Variants in TMPRSS15 observed in about 807,000 individuals in gnomAD.
TMPRSS15 encodes the protein transmembrane serine protease 15, also known as enteropeptidase.
TMPRSS15 carries 128 observed loss-of-function variants against 125.3 expected under a neutral mutation model. That is an observed-to-expected ratio of 1.02 (90% confidence interval 0.89 to 1.18). The LOEUF is 1.18. Among genes scored for constraint, TMPRSS15 ranks in the 50% most tolerant of loss-of-function variants. The probability of loss-of-function intolerance (pLI) is 0.00; values close to 1 mark genes in which losing one functional copy is unlikely to be tolerated. For missense variants in TMPRSS15, 1,283 were observed against 1,212.7 expected (o/e 1.06, Z -0.86); for synonymous variants, 446 against 423.2 (o/e 1.05, Z -0.66).
chr21:18,444,679 A>G (rs1056562335), intron 1 of TMPRSS15, among the ~76,000 whole-genome samples: 1 of 152,188 alleles, frequency 6.6e-6, no homozygotes, highest in Non-Finnish European at 1.5e-5. Context: ...CACCTCAAAC[A>G]TGTGTCATTT....
At chr21:18,299,776 G>A (rs1266471441) in intron 18 of TMPRSS15, among the ~76,000 whole-genome samples, 2 of 152,128 alleles carry the variant, frequency 1.3e-5, no homozygotes, top group Admixed American at 1.3e-4. Context: ...AGCCTCAGGA[G>A]AGAACATAGG....
At chr21:18,385,072 C>A (rs927571959) in intron 3 of TMPRSS15, among the ~76,000 whole-genome samples, 3 of 151,998 alleles carry the variant, frequency 2.0e-5, no homozygotes, top group Admixed American at 6.5e-5. Context: ...TTAAAATGAA[C>A]AAGATGATAT....
At chr21:18,313,147 C>T (rs1201395149) in intron 17 of TMPRSS15, 70 bp from the exon 18 acceptor site, 10 of 1,061,008 alleles carry the variant, frequency 9.4e-6, no homozygotes, top group Admixed American at 1.7e-5. Flanking sequence ...AGACATCGTT[C>T]AAAGAGTACA....
At chr21:18,418,192 C>A (rs576090609) in intron 1 of TMPRSS15, among the ~76,000 whole-genome samples, 3 of 152,348 alleles carry the variant, frequency 2.0e-5, no homozygotes, top group East Asian at 3.9e-4. Context: ...CCATTAGATA[C>A]TTTAATGCTT....
chr21:18,274,790 C>G (rs2074600219), intron 24 of TMPRSS15, among the ~76,000 whole-genome samples: 1 of 152,188 alleles, frequency 6.6e-6, no homozygotes, highest in African/African-American at 2.4e-5. Context: ...TAGAGGCCCA[C>G]AGACTAAACT....
At chr21:18,317,439 T>G (rs2075178956) in intron 16 of TMPRSS15, among the ~76,000 whole-genome samples, 1 of 126,956 alleles carries the variant, frequency 7.9e-6, no homozygotes, top group Non-Finnish European at 1.7e-5. Context: ...TGAGGGGGGG[T>G]GTTTTTATGG....
intron 16 of TMPRSS15, among the ~76,000 whole-genome samples, chr21:18,324,490 G>C (rs1569008694): frequency 6.6e-6 from 1 of 152,146 alleles, no homozygotes; most frequent in African/African-American, 2.4e-5. Context: ...ACAGAAAATT[G>C]CTATGGCCAA....
chr21:18,447,376 G>C (rs1196248411), intron 1 of TMPRSS15, among the ~76,000 whole-genome samples: 1 of 141,024 alleles, frequency 7.1e-6, no homozygotes, highest in African/African-American at 2.7e-5. Flanking sequence ...GGAGGCAGAG[G>C]TAGCAGTGAG....
intron 1 of TMPRSS15, among the ~76,000 whole-genome samples, chr21:18,464,923 A>T (rs1328428389): frequency 6.6e-6 from 1 of 152,190 alleles, no homozygotes; most frequent in Non-Finnish European, 1.5e-5. Context: ...GGCCAGCATC[A>T]TCCTTTTACC....
At chr21:18,444,542 G>C (rs1411484114) in intron 1 of TMPRSS15, among the ~76,000 whole-genome samples, 1 of 152,068 alleles carries the variant, frequency 6.6e-6, no homozygotes, top group South Asian at 2.1e-4. Context: ...TAGATGACGG[G>C]TTGATGGGTG....
chr21:18,368,369 C>T (rs1484602892), intron 6 of TMPRSS15, among the ~76,000 whole-genome samples: 1 of 152,194 alleles, frequency 6.6e-6, no homozygotes, highest in Admixed American at 6.5e-5. Context: ...TCCCCAAATC[C>T]CTTGGAGTCA....
intron 8 of TMPRSS15, among the ~76,000 whole-genome samples, chr21:18,354,356 T>A (rs1463683503): frequency 6.6e-6 from 1 of 151,768 alleles, no homozygotes; most frequent in Non-Finnish European, 1.5e-5. Flanking sequence ...TGACTTAAGA[T>A]TGTTTCTACA....
intron 22 of TMPRSS15, 143 bp from the exon 23 acceptor site, chr21:18,279,202 T>G (rs2074659919): frequency 1.7e-6 from 1 of 598,176 alleles, no homozygotes; most frequent in Non-Finnish European, 3.0e-6. Context: ...CTGTAAAAAT[T>G]TTAGACATCG....
intron 10 of TMPRSS15, among the ~76,000 whole-genome samples, chr21:18,344,432 T>C (rs1024410699): frequency 2.6e-5 from 4 of 152,190 alleles, no homozygotes; most frequent in Non-Finnish European, 5.9e-5. Flanking sequence ...GAGATGCTGG[T>C]GGACTAACTC....
rs115070980 is a variant in TMPRSS15, at chr21:18,293,115, C to T, written c.2486+1155G>A. ...GATTATGCATTTGAGTCTACTTTCA[C>T]TCTGATATAATGGGTATTTAGGCAT... On this transcript the variant is annotated intron_variant, in intron 21 of 24. Transcript: ENST00000284885. Among the ~76,000 whole-genome samples the T allele has an allele frequency of 3.3e-3, 509 of 152,270 alleles. 1 individual carries two copies. The highest frequency in any genetic ancestry group is 0.012 in the African/African-American group (495 of 41,548).
At chr21:18,395,307 G>A (rs932767758) in intron 3 of TMPRSS15, among the ~76,000 whole-genome samples, 1 of 152,152 alleles carries the variant, frequency 6.6e-6, no homozygotes, top group African/African-American at 2.4e-5. Flanking sequence ...AGTAGTAGAG[G>A]ACAGCATGAA....
intron 10 of TMPRSS15, among the ~76,000 whole-genome samples, chr21:18,352,073 T>C (rs1295335698): frequency 1.3e-5 from 1 of 76,362 alleles, no homozygotes; most frequent in Admixed American, 1.3e-4. Flanking sequence ...AACTTTTCAC[T>C]GTTTTTTTGT....
chr21:18,340,170 A>G (rs2075432762), intron 13 of TMPRSS15, among the ~76,000 whole-genome samples: 1 of 152,162 alleles, frequency 6.6e-6, no homozygotes, highest in Admixed American at 6.6e-5. Flanking sequence ...GGAAAGGCCG[A>G]CCCACTCTCA....
At chr21:18,336,488 A>G (rs2075394270) in intron 13 of TMPRSS15, among the ~76,000 whole-genome samples, 2 of 152,178 alleles carry the variant, frequency 1.3e-5, no homozygotes, top group South Asian at 2.1e-4. Flanking sequence ...TTTTGTGTTC[A>G]TTTGATCAAA....
Sources: gnomAD v4.1 joint callset for allele counts (sites outside exome capture counted in the v4.1 genomes callset) on GRCh38, gnomAD v4.1.1 for gene constraint, MANE v1.5 for transcripts, NCBI Gene and HGNC (gene_info 2026-07-23, HGNC 2026-07-21) for gene names.